Variants in COL25A1 observed in about 807,000 individuals in gnomAD.
The protein encoded by COL25A1 is collagen type XXV alpha 1 chain.
Under a neutral mutation model 128.4 loss-of-function variants are expected in COL25A1, and 103 were observed. That is an observed-to-expected ratio of 0.80 (90% CI 0.68 to 0.94). COL25A1 has a LOEUF of 0.94. Among genes scored for constraint, COL25A1 ranks in the 40% least tolerant of loss-of-function variants. The probability of loss-of-function intolerance (pLI) is 0.00; values close to 1 mark genes in which losing one functional copy is unlikely to be tolerated. For missense variants in COL25A1, 745 were observed against 840.0 expected, an observed-to-expected ratio of 0.89 and a Z score of 1.40; for synonymous variants, 279 against 277.2, an observed-to-expected ratio of 1.01 and a Z score of -0.06.
At position 108,879,442 on chromosome 4, in the gene COL25A1, G is replaced by GT. The variant is rs201131866; in HGVS notation, c.1020+4735dup. Among the ~76,000 whole-genome samples the GT allele has an allele frequency of 1.1e-4, 17 of 151,860 alleles. No individual in the cohort carries two copies. In the East Asian group the frequency reaches 2.5e-3, roughly 23 times the overall value. ...GGTGAAATAAACTGATGGTATATGG[G>GT]TTTTTTTTGTTGTTGTTCTTCTTGA... is the stretch of plus-strand genomic sequence containing the variant. On this transcript the variant is annotated intron_variant, in intron 19 of 37. Coordinates refer to ENST00000399132, the MANE Select transcript of COL25A1 (RefSeq NM_198721.4).
chr4:109,027,250 G>A (rs752433024), intron 5 of COL25A1, among the ~76,000 whole-genome samples: 1 of 152,174 alleles, frequency 6.6e-6, no homozygotes, highest in Admixed American at 6.5e-5. Flanking sequence ...AATTCAATGG[G>A]AGGGCGCTAT....
intron 20 of COL25A1, among the ~76,000 whole-genome samples, chr4:108,865,760 C>A (rs755816748): frequency 6.6e-5 from 10 of 152,128 alleles, no homozygotes; most frequent in Non-Finnish European, 1.3e-4. Context: ...TACTTTTTAA[C>A]ATTTATATAT....
At chr4:109,146,355 T>A (rs2126094238) in intron 3 of COL25A1, among the ~76,000 whole-genome samples, 1 of 152,312 alleles carries the variant, frequency 6.6e-6, no homozygotes, top group South Asian at 2.1e-4. Flanking sequence ...CATAAAAGCA[T>A]CCTGGAGAAA....
At chr4:109,289,831 G>T (rs999296898) in intron 3 of COL25A1, among the ~76,000 whole-genome samples, 1 of 152,002 alleles carries the variant, frequency 6.6e-6, no homozygotes, top group Non-Finnish European at 1.5e-5. Context: ...TGCCAACCAC[G>T]GATCACGTTA....
chr4:109,038,508 T>C (rs1759566436), intron 5 of COL25A1, among the ~76,000 whole-genome samples: 1 of 152,192 alleles, frequency 6.6e-6, no homozygotes, highest in Non-Finnish European at 1.5e-5. Flanking sequence ...CTGAGTGATA[T>C]AATCACCAAG....
chr4:108,851,392 T>C (rs1336287324), intron 26 of COL25A1, among the ~76,000 whole-genome samples: 5 of 152,170 alleles, frequency 3.3e-5, no homozygotes, highest in Non-Finnish European at 7.3e-5. Context: ...ATATACTAGA[T>C]TTCTGTTTTT....
chr4:108,948,690 A>ACT (rs1236597576), intron 8 of COL25A1, among the ~76,000 whole-genome samples: 1 of 152,096 alleles, frequency 6.6e-6, no homozygotes, highest in Non-Finnish European at 1.5e-5. Context: ...AACCCTAGTC[A>ACT]CTCCAGGAAT....
intron 3 of COL25A1, among the ~76,000 whole-genome samples, chr4:109,269,988 A>T (rs1782082997): frequency 6.6e-6 from 1 of 152,180 alleles, no homozygotes; most frequent in African/African-American, 2.4e-5. Context: ...ATCTCAATAG[A>T]TGCAGAAAAG....
intron 3 of COL25A1, among the ~76,000 whole-genome samples, chr4:109,057,951 GAAC>G (rs1761602239): frequency 6.6e-6 from 1 of 152,128 alleles, no homozygotes; most frequent in Non-Finnish European, 1.5e-5. Flanking sequence ...TACTGCACTT[GAAC>G]AATAAAAGAA....
chr4:109,064,000 A>G (rs1201919421), intron 3 of COL25A1, among the ~76,000 whole-genome samples: 1 of 152,224 alleles, frequency 6.6e-6, no homozygotes, highest in Non-Finnish European at 1.5e-5. Context: ...GGGACAAAAA[A>G]TAGATACCGA....
At chr4:109,123,038 G>A (rs895764415) in intron 3 of COL25A1, among the ~76,000 whole-genome samples, 3 of 151,922 alleles carry the variant, frequency 2.0e-5, no homozygotes, top group South Asian at 2.1e-4. Context: ...TAACTATTGC[G>A]GACCCACAAA....
intron 3 of COL25A1, among the ~76,000 whole-genome samples, chr4:109,175,770 T>G (rs1439673916): frequency 6.6e-6 from 1 of 152,196 alleles, no homozygotes; most frequent in Non-Finnish European, 1.5e-5. Flanking sequence ...AAAATACAGG[T>G]CAAGTCCTGT....
chr4:109,217,705 C>G lies in COL25A1; in HGVS notation c.367+82878G>C, dbSNP rs1012669500. The stretch of plus-strand genomic sequence containing the variant: ...GTCCTTTGTGGATCACGTTTGAGTC[C>G]CTTATATTAAATGGTGTAGTATTTT... On this transcript the variant is annotated intron_variant, in intron 3 of 37. Transcript: ENST00000399132. Among the ~76,000 whole-genome samples the G allele has an allele frequency of 2.6e-5, 4 of 151,972 alleles. No individual in the cohort carries two copies. In the South Asian group the frequency reaches 8.3e-4, roughly 32 times the overall value.
chr4:109,026,783 G>A (rs897500687), intron 5 of COL25A1, among the ~76,000 whole-genome samples: 8 of 152,198 alleles, frequency 5.3e-5, no homozygotes, highest in African/African-American at 1.9e-4. Context: ...AGGACATAGA[G>A]AAAAGAAATG....
chr4:109,285,150 A>T (rs910340790), intron 3 of COL25A1, among the ~76,000 whole-genome samples: 1 of 152,192 alleles, frequency 6.6e-6, no homozygotes, highest in African/African-American at 2.4e-5. Flanking sequence ...AATTAAGGGA[A>T]TTTATTCTAA....
intron 3 of COL25A1, among the ~76,000 whole-genome samples, chr4:109,127,876 A>G (rs1768783394): frequency 6.6e-6 from 1 of 152,190 alleles, no homozygotes; most frequent in African/African-American, 2.4e-5. Flanking sequence ...AGCTTAAGTG[A>G]TTTTTAAATC....
At chr4:109,189,677 T>C (rs1220819340) in intron 3 of COL25A1, among the ~76,000 whole-genome samples, 1 of 152,126 alleles carries the variant, frequency 6.6e-6, no homozygotes, top group Non-Finnish European at 1.5e-5. Context: ...ACCTCAGCAC[T>C]GTATCTACTT....
intron 8 of COL25A1, chr4:108,942,089 G>A (rs1748177015): frequency 3.2e-6 from 3 of 924,718 alleles, no homozygotes; most frequent in Non-Finnish European, 5.0e-6. Flanking sequence ...CAAGTGCCCA[G>A]TAACTTGATA....
intron 13 of COL25A1, among the ~76,000 whole-genome samples, chr4:108,916,298 C>T (rs898370708): frequency 7.2e-5 from 11 of 152,072 alleles, no homozygotes; most frequent in Admixed American, 2.0e-4. Context: ...AGATGTATAA[C>T]GAGACATAAA....
Sources: allele counts gnomAD v4.1 joint callset (sites outside exome capture counted in the v4.1 genomes callset), GRCh38; gene constraint gnomAD v4.1.1; transcripts MANE v1.5; gene names NCBI Gene and HGNC (gene_info 2026-07-23, HGNC 2026-07-21).